LRBA: variants seen among roughly 807,000 people sequenced by gnomAD.
LRBA encodes the protein lipopolysaccharide-responsive and beige-like anchor protein.
A neutral mutation model predicts 330.0 loss-of-function variants in LRBA; 176 were observed. The observed-to-expected ratio is 0.53, with a 90% CI of 0.47 to 0.60. The LOEUF (loss-of-function observed/expected upper bound fraction) is 0.60, where lower values mean the gene tolerates loss of function less well. Ranked by LOEUF, LRBA falls within the 20% of genes least tolerant of loss-of-function variation. The pLI is 0.00. For synonymous variants in LRBA, 1,230 were observed against 1,193.0 expected, an observed-to-expected ratio of 1.03 and a Z score of -0.64; for missense variants, 3,259 against 3,444.8, an observed-to-expected ratio of 0.95 and a Z score of 1.35.
At chr4:150,537,314 C>T (rs1191485738) in intron 40 of LRBA, among the ~76,000 whole-genome samples, 1 of 152,088 alleles carries the variant, frequency 6.6e-6, no homozygotes, top group Non-Finnish European at 1.5e-5. Flanking sequence ...TCAAAATATA[C>T]AAAAATTAAC....
At chr4:150,658,339 T>C (rs972065090) in intron 37 of LRBA, among the ~76,000 whole-genome samples, 16 of 143,608 alleles carry the variant, frequency 1.1e-4, no homozygotes, top group Non-Finnish European at 1.8e-4. Flanking sequence ...ACATTCCTAT[T>C]AAAATAACAG....
At chr4:150,802,214 A>G (rs1007116286) in intron 33 of LRBA, among the ~76,000 whole-genome samples, 4 of 140,600 alleles carry the variant, frequency 2.8e-5, no homozygotes, top group African/African-American at 1.1e-4. Context: ...AGTGAGACTC[A>G]GTCTCAAAAA....
At chr4:150,312,615 G>A (rs748876203) in intron 51 of LRBA, among the ~76,000 whole-genome samples, 1 of 152,124 alleles carries the variant, frequency 6.6e-6, no homozygotes, top group Non-Finnish European at 1.5e-5. Flanking sequence ...AAATCATTCT[G>A]CAAGTCAGGT....
At chr4:150,511,946 A>T (rs1761879331) in intron 40 of LRBA, among the ~76,000 whole-genome samples, 1 of 152,226 alleles carries the variant, frequency 6.6e-6, no homozygotes, top group Non-Finnish European at 1.5e-5. Context: ...ATGTGCTACC[A>T]CAGGCCTCTT....
chr4:150,772,544 G>A (rs1736725788), intron 34 of LRBA, among the ~76,000 whole-genome samples: 1 of 152,198 alleles, frequency 6.6e-6, no homozygotes, highest in African/African-American at 2.4e-5. Flanking sequence ...AAGCAGCTCA[G>A]TCACTTGTTA....
At chr4:150,811,535 C>T (rs1183450357) in intron 31 of LRBA, among the ~76,000 whole-genome samples, 1 of 152,004 alleles carries the variant, frequency 6.6e-6, no homozygotes, top group East Asian at 1.9e-4. Flanking sequence ...CGAGGTCTTG[C>T]TCTATTGCCC....
At chr4:150,909,102 T>C (rs546015712) in intron 9 of LRBA, among the ~76,000 whole-genome samples, 9 of 152,212 alleles carry the variant, frequency 5.9e-5, no homozygotes, top group East Asian at 1.9e-4. Flanking sequence ...TTTATCTTTT[T>C]TCGTATATTC....
At chr4:150,542,621 T>C (rs1765431696) in intron 40 of LRBA, among the ~76,000 whole-genome samples, 1 of 152,214 alleles carries the variant, frequency 6.6e-6, no homozygotes, top group Admixed American at 6.5e-5. Context: ...GAATTTGTTT[T>C]CTGCAGCTAA....
intron 47 of LRBA, among the ~76,000 whole-genome samples, chr4:150,362,780 C>T (rs1338917046): frequency 2.6e-5 from 4 of 152,160 alleles, no homozygotes; most frequent in African/African-American, 9.7e-5. Context: ...CTCTCAAACA[C>T]ATACTTCAGT....
intron 46 of LRBA, among the ~76,000 whole-genome samples, chr4:150,427,019 AT>A (rs1026376537): frequency 6.6e-6 from 1 of 151,944 alleles, no homozygotes; most frequent in Admixed American, 6.6e-5. Flanking sequence ...GGCAATAATA[AT>A]GCAAACAAAA....
At chr4:150,397,807 A>G (rs949863907) in intron 47 of LRBA, among the ~76,000 whole-genome samples, 1 of 152,198 alleles carries the variant, frequency 6.6e-6, no homozygotes, top group African/African-American at 2.4e-5. Context: ...GGTTGAGAGT[A>G]ATAATAGCAC....
At chr4:150,431,045 A>G (rs981998558) in intron 46 of LRBA, among the ~76,000 whole-genome samples, 14 of 152,204 alleles carry the variant, frequency 9.2e-5, no homozygotes, top group Non-Finnish European at 1.8e-4. Flanking sequence ...TTTGCCTAAT[A>G]TTTAGATGTA....
At chr4:150,790,721 T>C (rs1217692209) in intron 34 of LRBA, among the ~76,000 whole-genome samples, 1 of 152,216 alleles carries the variant, frequency 6.6e-6, no homozygotes, top group Admixed American at 6.5e-5. Context: ...AGACTTCCTA[T>C]CCAGTCCTCA....
intron 47 of LRBA, among the ~76,000 whole-genome samples, chr4:150,373,704 C>A (rs7688386): frequency 0.03 from 4,525 of 152,224 alleles, 232 homozygotes; most frequent in African/African-American, 0.1. Context: ...GCCACACTTT[C>A]CTTCTCAGAA....
In LRBA at chr4:150,341,504, C is replaced by T. The variant is rs113194197; in HGVS notation, c.7362+8488G>A. 8.3e-3 allele frequency among the ~76,000 whole-genome samples: 1,256 copies of T among 152,096 alleles called. 14 individuals are homozygous for T. The highest frequency in any genetic ancestry group is 0.029 in the African/African-American group (1,193 of 41,496). On this transcript the variant is annotated intron_variant, in intron 48 of 56. Transcript: ENST00000651943. ...TCTTATGCTCTCCCTTCCTACCACACGATTTTTTCAAGTCATAGAGCCATA... is the reference window on the plus strand; with the variant it reads ...TCTTATGCTCTCCCTTCCTACCACATGATTTTTTCAAGTCATAGAGCCATA...
Position 150,755,379 on chromosome 4 carries a change from C to T in LRBA, c.5645+6404G>A, listed in dbSNP as rs564084571. ...GCCCAACAGTATGCAGGATAATCTG[C>T]CCTTTCTGTGCTTTCCAAGGATGGG... On this transcript the variant is annotated intron_variant, in intron 35 of 56. Coordinates refer to ENST00000651943, the MANE Select transcript of LRBA (RefSeq NM_001364905.1). Among the ~76,000 whole-genome samples the T allele has an allele frequency of 3.9e-5, 6 of 152,278 alleles. 1 individual carries two copies. The South Asian group carries it at 1.2e-3, about 32-fold the overall frequency.
At chr4:150,408,792 T>C (rs1363347726) in intron 47 of LRBA, among the ~76,000 whole-genome samples, 1 of 152,140 alleles carries the variant, frequency 6.6e-6, no homozygotes, top group Non-Finnish European at 1.5e-5. Context: ...CTTTTTTGTT[T>C]CTTGCTTGAA....
intron 37 of LRBA, among the ~76,000 whole-genome samples, chr4:150,678,384 G>A (rs1782759842): frequency 1.3e-5 from 2 of 152,008 alleles, no homozygotes; most frequent in Admixed American, 1.3e-4. Flanking sequence ...GAAAAAAATG[G>A]CTCCTCAGTA....
intron 44 of LRBA, among the ~76,000 whole-genome samples, chr4:150,452,310 G>A (rs536321422): frequency 1.3e-5 from 2 of 152,178 alleles, no homozygotes; most frequent in South Asian, 4.1e-4. Context: ...TTCAGAAAAA[G>A]CATTTGATAA....
Sources: gnomAD v4.1 joint callset for allele counts (sites outside exome capture counted in the v4.1 genomes callset) on GRCh38, gnomAD v4.1.1 for gene constraint, MANE v1.5 for transcripts, NCBI Gene and HGNC (gene_info 2026-07-23, HGNC 2026-07-21) for gene names.